Variants in SSH2 observed in about 807,000 individuals in gnomAD.
SSH2 encodes slingshot protein phosphatase 2, also known as protein phosphatase Slingshot homolog 2.
SSH2 carries 37 observed loss-of-function variants against 135.2 expected under a neutral mutation model. That is an observed-to-expected ratio of 0.27 (90% CI 0.21 to 0.36). The LOEUF is 0.36. Ranked by LOEUF, SSH2 falls within the 10% of genes least tolerant of loss-of-function variation. The pLI, the probability that SSH2 is intolerant of heterozygous loss-of-function variation, is 1.00. For missense variants in SSH2, 1,408 were observed against 1,765.3 expected (o/e 0.80, Z 3.63); for synonymous variants, 628 against 646.2 (o/e 0.97, Z 0.43).
At chr17:29,835,324 C>T (rs1201749712) in intron 2 of SSH2, among the ~76,000 whole-genome samples, 1 of 152,112 alleles carries the variant, frequency 6.6e-6, no homozygotes, top group Non-Finnish European at 1.5e-5. Context: ...ACAAAAACAA[C>T]AACAAAAAAA....
At chr17:29,896,523 A>G (rs1299763618) in intron 1 of SSH2, among the ~76,000 whole-genome samples, 1 of 150,014 alleles carries the variant, frequency 6.7e-6, no homozygotes, top group African/African-American at 2.4e-5. Flanking sequence ...AGATTTTGGT[A>G]TTTTATAAAA....
chr17:29,690,012 CAAA>C (rs946244880), intron 5 of SSH2, among the ~76,000 whole-genome samples: 1 of 31,364 alleles, frequency 3.2e-5, no homozygotes, highest in Non-Finnish European at 6.7e-5. Flanking sequence ...AGATCCATCT[CAAA>C]AAAAAAAAAA....
At chr17:29,853,671 C>G (rs1158755804) in intron 1 of SSH2, among the ~76,000 whole-genome samples, 2 of 151,888 alleles carry the variant, frequency 1.3e-5, no homozygotes, top group East Asian at 1.9e-4. Flanking sequence ...CTGCCACCTA[C>G]TAGCAGTGTG....
chr17:29,700,400 C>G (rs1309427541), intron 4 of SSH2, among the ~76,000 whole-genome samples: 1 of 152,170 alleles, frequency 6.6e-6, no homozygotes, highest in Non-Finnish European at 1.5e-5. Context: ...ACCTGGAGAT[C>G]TCTCTCCCTA....
At chr17:29,775,325 A>G (rs76721789) in intron 3 of SSH2, among the ~76,000 whole-genome samples, 9,784 of 142,014 alleles carry the variant, frequency 0.069, 433 homozygotes, top group Middle Eastern at 0.1. Flanking sequence ...GTCTGGCTCT[A>G]GCGCCCATGC....
Position 29,848,940 on chromosome 17 carries a change from A to G in SSH2, c.64-11T>C, listed in dbSNP as rs2065495806. On this transcript the variant is annotated splice_polypyrimidine_tract_variant and intron_variant, in intron 1 of 15. Transcript: ENST00000540801. ...TTCCAAATGAGAGCTCTGTAATACA[A>G]ACAAGATCATTTCAGAGATCCAAAC... 1 of 1,521,952 alleles carries G rather than the reference A, an allele frequency of 6.6e-7. No homozygotes were observed. The highest frequency in any genetic ancestry group is 8.8e-7 in the Non-Finnish European group (1 of 1,135,214). The allele number at this position is 1,521,952 out of a possible 1,614,324, so 94.3% of individuals were successfully genotyped here. A position where few individuals can be genotyped will look rare whatever the true frequency, so the allele number is the denominator to read the frequency against.
At chr17:29,867,414 TAAC>T (rs771695092) in intron 1 of SSH2, among the ~76,000 whole-genome samples, 38 of 152,120 alleles carry the variant, frequency 2.5e-4, no homozygotes, top group Non-Finnish European at 4.9e-4. Context: ...CAAAAACACT[TAAC>T]AAAAAAAATC....
At chr17:29,869,061 T>C (rs1823871150) in intron 1 of SSH2, among the ~76,000 whole-genome samples, 1 of 152,132 alleles carries the variant, frequency 6.6e-6, no homozygotes, top group Non-Finnish European at 1.5e-5. Context: ...AGTGAGAGTG[T>C]CTAAAAAGAG....
At chr17:29,760,020 T>A (rs892266714) in intron 3 of SSH2, among the ~76,000 whole-genome samples, 3 of 152,178 alleles carry the variant, frequency 2.0e-5, no homozygotes, top group African/African-American at 7.2e-5. Context: ...CTTTTGTGAC[T>A]TTTTTTCTAT....
In SSH2 at chr17:29,636,652, A is replaced by G; in HGVS notation, c.1578T>C (p.Ser526=). The part of the protein sequence containing the change: ...DQIAEVKTME[S]HPPIPPVFVE... Reference sequence around the variant, plus strand: ...CAAAGACAGGAGGTATGGGTGGGTGACTCTCCATGGTCTTCACCTCAGCAA... The same window carrying G: ...CAAAGACAGGAGGTATGGGTGGGTGGCTCTCCATGGTCTTCACCTCAGCAA... Residue 526 remains serine (S), a synonymous_variant, in exon 15 of 16, where the codon AGT becomes AGC. Transcript: ENST00000540801. The G allele has an allele frequency of 6.2e-7, 1 of 1,613,798 alleles. No homozygotes were observed. Among genetic ancestry groups the G allele is most frequent in the Non-Finnish European group, 8.5e-7 (1 of 1,179,942 alleles).
chr17:29,662,303 A>G (rs193136651), intron 11 of SSH2, among the ~76,000 whole-genome samples: 1 of 152,340 alleles, frequency 6.6e-6, no homozygotes, highest in East Asian at 1.9e-4. Flanking sequence ...AGAAGACTAC[A>G]GCACATTTAT....
At chr17:29,880,360 C>T (rs1199419801) in intron 1 of SSH2, among the ~76,000 whole-genome samples, 1 of 152,092 alleles carries the variant, frequency 6.6e-6, no homozygotes, top group Non-Finnish European at 1.5e-5. Flanking sequence ...AGGCTGGTCT[C>T]GAACTCCTAC....
intron 2 of SSH2, among the ~76,000 whole-genome samples, chr17:29,797,714 T>C (rs2151309233): frequency 6.6e-6 from 1 of 151,970 alleles, no homozygotes; most frequent in South Asian, 2.1e-4. Context: ...CTGGGCAAAA[T>C]AGCAAGACAC....
intron 1 of SSH2, among the ~76,000 whole-genome samples, chr17:29,874,240 C>T (rs576854076): frequency 2.3e-4 from 32 of 141,498 alleles, no homozygotes; most frequent in Admixed American, 1.4e-3. Flanking sequence ...TTGCAGTAAG[C>T]CAATTGTGCC....
At chr17:29,909,109 C>T (rs1403817339) in intron 1 of SSH2, among the ~76,000 whole-genome samples, 2 of 151,996 alleles carry the variant, frequency 1.3e-5, no homozygotes, top group Non-Finnish European at 2.9e-5. Context: ...CAAACCTTAG[C>T]TTTAAAGGAT....
chr17:29,745,538 G>GACCA (rs1567941361), intron 3 of SSH2, among the ~76,000 whole-genome samples: 2 of 152,176 alleles, frequency 1.3e-5, no homozygotes, highest in African/African-American at 2.4e-5. Flanking sequence ...GCAATAAATT[G>GACCA]TGCTCTTATT....
chr17:29,797,478 G>A (rs1021694783), intron 2 of SSH2, among the ~76,000 whole-genome samples: 19 of 152,150 alleles, frequency 1.2e-4, no homozygotes, highest in Admixed American at 4.6e-4. Flanking sequence ...ATCCCACGTT[G>A]TTGCATAAAA....
At chr17:29,853,638 T>C (rs985076423) in intron 1 of SSH2, among the ~76,000 whole-genome samples, 1 of 151,918 alleles carries the variant, frequency 6.6e-6, no homozygotes, top group Admixed American at 6.6e-5. Flanking sequence ...AAATCTTAAC[T>C]AAACTGAGTT....
intron 1 of SSH2, among the ~76,000 whole-genome samples, chr17:29,918,949 AAAG>A (rs2066928507): frequency 6.6e-6 from 1 of 151,862 alleles, no homozygotes; most frequent in Admixed American, 6.6e-5. Flanking sequence ...AAAAAAAAAA[AAAG>A]AATGCTGCTT....
Sources: gnomAD v4.1 joint callset for allele counts (sites outside exome capture counted in the v4.1 genomes callset) on GRCh38, gnomAD v4.1.1 for gene constraint, MANE v1.5 for transcripts, NCBI Gene and HGNC (gene_info 2026-07-23, HGNC 2026-07-21) for gene names.